NPHP4: variants seen among roughly 807,000 people sequenced by gnomAD.
NPHP4 encodes the protein nephrocystin-4.
NPHP4 carries 151 observed loss-of-function variants against 155.8 expected under a neutral mutation model. The observed-to-expected ratio is 0.97, with a 90% confidence interval of 0.85 to 1.11. NPHP4 has a LOEUF of 1.11. Among genes scored for constraint, NPHP4 ranks in the 50% least tolerant of loss-of-function variants. NPHP4 has a pLI of 0.00. For synonymous variants in NPHP4, 845 were observed against 816.8 expected (o/e 1.03, Z -0.59); for missense variants, 1,956 against 1,925.7 (o/e 1.02, Z -0.29).
chr1:5,867,313 C>G lies in NPHP4; in HGVS notation c.3473-198G>C. 1 of 578,252 alleles carries G rather than the reference C, an allele frequency of 1.7e-6. No individual in the cohort carries two copies. The highest frequency in any genetic ancestry group is 3.1e-6 in the Non-Finnish European group (1 of 325,688). 35.8% of individuals were successfully genotyped at this position (578,252 alleles called of 1,614,324 possible). Reference sequence around the variant, plus strand: ...GTTCCCTGCATGGACACCGCCCATCCAGCCCACTGCGGCTCGGCTGCAGCC... The same window carrying G: ...GTTCCCTGCATGGACACCGCCCATCGAGCCCACTGCGGCTCGGCTGCAGCC... On this transcript the variant is annotated intron_variant, in intron 24 of 29. Coordinates refer to ENST00000378156, the MANE Select transcript of NPHP4 (RefSeq NM_015102.5). The surrounding 1 kb of genome is among the most constrained non-coding windows in gnomAD (Gnocchi z 4.1).
At chr1:5,953,424 C>G (rs1305154405) in intron 6 of NPHP4, among the ~76,000 whole-genome samples, 1 of 152,136 alleles carries the variant, frequency 6.6e-6, no homozygotes, top group East Asian at 1.9e-4. Flanking sequence ...TTTTATAATT[C>G]GACAACTCAA....
chr1:5,873,392 A>C (rs1157139075), intron 22 of NPHP4, 57 bp from the exon 23 acceptor site: 1 of 1,422,186 alleles, frequency 7.0e-7, no homozygotes, highest in East Asian at 2.3e-5. Context: ...GGCGACCAGC[A>C]CCTGTGCTTA....
At chr1:5,956,068 G>T (rs943716801) in intron 6 of NPHP4, among the ~76,000 whole-genome samples, 5 of 141,692 alleles carry the variant, frequency 3.5e-5, no homozygotes, top group East Asian at 2.0e-4. Context: ...CTGGGGGGGG[G>T]GGGTGCAGGG....
intron 12 of NPHP4, 51 bp from the exon 13 acceptor site, chr1:5,907,273 CCA>C (rs1032829362): frequency 3.8e-5 from 47 of 1,228,378 alleles, no homozygotes; most frequent in Admixed American, 3.7e-4. Flanking sequence ...GCCAGTCCGT[CCA>C]CAAAGCTCCC....
rs889381216 is a variant in NPHP4 at position 5,892,359 on chromosome 1, C to T, written c.2144-1331G>A. Among the ~76,000 whole-genome samples the T allele has an allele frequency of 5.9e-5, 9 of 152,140 alleles. No homozygotes were observed. Among genetic ancestry groups the T allele is most frequent in the Admixed American group, 1.3e-4 (2 of 15,272 alleles). ...CCGTGCCTAGCATGCTCCTGCCCCCCACTCCAGGAGCTCTCAGCATGCTGT... is the reference window on the plus strand; with the variant it reads ...CCGTGCCTAGCATGCTCCTGCCCCCTACTCCAGGAGCTCTCAGCATGCTGT... On this transcript the variant is annotated intron_variant, in intron 16 of 29. Transcript: ENST00000378156. This position sits in a 1 kb window ranked among gnomAD's most constrained non-coding sequence, Gnocchi z 4.5.
rs754236740 is a variant in NPHP4 at position 5,907,216 on chromosome 1, T to C, written c.1510A>G (p.Ile504Val). Residue 504 changes from isoleucine (I) to valine (V), a missense_variant, in exon 13 of 30, where the codon ATT (isoleucine) becomes GTT (valine). Transcript: ENST00000378156. ...CGCGGGGAGGCCGCCAGCTGGGAAA[T>C]TGACAACTGGAAGGAAAGAGAGCAC... Reference protein sequence around the residue: ...QNSPVGPGLSISQLAASPRSP... With the variant: ...QNSPVGPGLSVSQLAASPRSP... 27 of 1,574,038 alleles carry C rather than the reference T, an allele frequency of 1.7e-5. No homozygotes were observed. Among genetic ancestry groups the C allele is most frequent in the Middle Eastern group, 3.3e-4 (2 of 6,018 alleles).
intron 1 of NPHP4, among the ~76,000 whole-genome samples, chr1:5,988,934 T>C (rs957713955): frequency 1.3e-5 from 2 of 152,188 alleles, no homozygotes; most frequent in African/African-American, 4.8e-5. Context: ...TCTGGTCCTG[T>C]GTGAATCCAG....
chr1:5,964,941 A>ATATATATATATATATATATTTTTTTT, intron 5 of NPHP4, among the ~76,000 whole-genome samples: 2 of 59,414 alleles, frequency 3.4e-5, no homozygotes, highest in Admixed American at 2.3e-4. Context: ...ATATATATAT[A>ATATATATATATATATATATTTTTTTT]TTTTTTTTTT....
intron 11 of NPHP4, among the ~76,000 whole-genome samples, chr1:5,926,897 C>T (rs893013749): frequency 3.3e-5 from 5 of 152,230 alleles, no homozygotes; most frequent in African/African-American, 4.8e-5. Flanking sequence ...TCATCACCTG[C>T]GACTAGGGAT....
intron 18 of NPHP4, chr1:5,881,102 A>G (rs1643240746): frequency 1.3e-5 from 2 of 151,432 alleles, no homozygotes; most frequent in Non-Finnish European, 2.9e-5. Context: ...GCATCCCTTC[A>G]CTCCTGCCTA....
At chr1:5,949,169 T>C (rs138856893) in intron 7 of NPHP4, among the ~76,000 whole-genome samples, 3 of 152,344 alleles carry the variant, frequency 2.0e-5, no homozygotes, top group South Asian at 4.1e-4. Context: ...AAAACAACTC[T>C]ACCCTCACAC....
chr1:5,969,090 T>C lies in NPHP4; in HGVS notation c.449A>G (p.Lys150Arg), dbSNP rs907436084. 6.5e-7 allele frequency: 1 copy of C among 1,547,890 alleles called. No homozygotes were observed. Among genetic ancestry groups the C allele is most frequent in the Non-Finnish European group, 8.7e-7 (1 of 1,144,244 alleles). ...GTTGTAGAAACAAGGCAGGTACCTT[T>C]TGTCCTGGGAAGCAGAGATAGGAGA... Reference protein sequence around the residue: ...PDSPISASQDKRLRLYHGTPR... With the variant: ...PDSPISASQDRRLRLYHGTPR... The change falls in exon 4 of 30, where the codon AAA (lysine) becomes AGA (arginine). Residue 150 changes from lysine to arginine, a missense_variant. By Grantham distance (26) the Lys-to-Arg change is conservative. Coordinates refer to ENST00000378156, the MANE Select transcript of NPHP4 (RefSeq NM_015102.5).
intron 23 of NPHP4, among the ~76,000 whole-genome samples, chr1:5,869,921 G>A (rs1456929769): frequency 1.3e-5 from 2 of 152,144 alleles, no homozygotes; most frequent in Non-Finnish European, 2.9e-5. Flanking sequence ...GCAAATTCAT[G>A]GTCTTCAGCA....
At chr1:5,949,591 C>T (rs756307440) in intron 7 of NPHP4, among the ~76,000 whole-genome samples, 8 of 152,106 alleles carry the variant, frequency 5.3e-5, no homozygotes, top group South Asian at 2.1e-4. Context: ...GGGAGGAACG[C>T]GGGGTGACAG....
intron 16 of NPHP4, among the ~76,000 whole-genome samples, chr1:5,893,064 G>C (rs1192569847): frequency 6.6e-6 from 1 of 152,194 alleles, no homozygotes; most frequent in African/African-American, 2.4e-5. Flanking sequence ...GGGGTGTGGG[G>C]TGCAGGGATC....
intron 12 of NPHP4, among the ~76,000 whole-genome samples, chr1:5,907,996 T>C (rs1644996408): frequency 1.3e-5 from 2 of 152,332 alleles, no homozygotes; most frequent in South Asian, 4.1e-4. Flanking sequence ...ACCCGGACTC[T>C]AACTCCAGTA....
At chr1:5,875,250 TG>T in intron 20 of NPHP4, 150 bp from the exon 21 acceptor site, 1 of 694,512 alleles carries the variant, frequency 1.4e-6, no homozygotes, top group Admixed American at 2.1e-5. Context: ...CCATGTGGTC[TG>T]GGTGGAACTG....
intron 19 of NPHP4, 136 bp downstream of exon 19, chr1:5,879,978 G>A: frequency 5.8e-6 from 6 of 1,034,070 alleles, no homozygotes; most frequent in Non-Finnish European, 8.5e-6. Flanking sequence ...AGACGCAGAG[G>A]GGCACTGACA....
chr1:5,953,825 T>C (rs1648664385), intron 6 of NPHP4, among the ~76,000 whole-genome samples: 1 of 152,334 alleles, frequency 6.6e-6, no homozygotes, highest in African/African-American at 2.4e-5. Flanking sequence ...TTTCCCAACC[T>C]ACACACACCT....
Sources: gnomAD v4.1 joint callset for allele counts (sites outside exome capture counted in the v4.1 genomes callset) on GRCh38, gnomAD v4.1.1 for gene constraint, Gnocchi (gnomAD v3.1) non-coding constraint, MANE v1.5 for transcripts, NCBI Gene and HGNC (gene_info 2026-07-23, HGNC 2026-07-21) for gene names.